The following CDKAL1 variants were observed in gnomAD, a reference collection of about 807,000 sequenced individuals.
CDKAL1 encodes threonylcarbamoyladenosine tRNA methylthiotransferase.
In CDKAL1, 32 loss-of-function variants were observed where a neutral mutation model predicts 68.2. The ratio of observed to expected loss-of-function variants is 0.47; its 90% CI spans 0.35 to 0.63. CDKAL1 has a LOEUF of 0.63. Among genes scored for constraint, CDKAL1 ranks in the 30% least tolerant of loss-of-function variants. CDKAL1 has a pLI of 0.00. For missense variants in CDKAL1, 606 were observed against 696.7 expected, an observed-to-expected ratio of 0.87 and a Z score of 1.47; for synonymous variants, 234 against 244.3, an observed-to-expected ratio of 0.96 and a Z score of 0.39.
At chr6:20,647,206 C>A (rs115510092) in intron 4 of CDKAL1, among the ~76,000 whole-genome samples, 1 of 152,190 alleles carries the variant, frequency 6.6e-6, no homozygotes, top group African/African-American at 2.4e-5. Context: ...AGGAGTATCT[C>A]CCATGTAGCA....
intron 9 of CDKAL1, among the ~76,000 whole-genome samples, chr6:20,900,870 T>C (rs1240248530): frequency 6.6e-6 from 1 of 152,248 alleles, no homozygotes; most frequent in African/African-American, 2.4e-5. Context: ...ATCATTGGTG[T>C]AAATTTGTGT....
At chr6:20,792,219 G>A (rs1295379749) in intron 8 of CDKAL1, among the ~76,000 whole-genome samples, 1 of 151,994 alleles carries the variant, frequency 6.6e-6, no homozygotes, top group Non-Finnish European at 1.5e-5. Flanking sequence ...TTTTTAAAAA[G>A]GCAATAGTGC....
At chr6:20,842,507 G>A (rs765497758) in intron 8 of CDKAL1, among the ~76,000 whole-genome samples, 4 of 152,120 alleles carry the variant, frequency 2.6e-5, no homozygotes, top group Non-Finnish European at 4.4e-5. Context: ...GGATGAACCC[G>A]TCTTATACAA....
chr6:21,060,179 G>C (rs1771069721), intron 11 of CDKAL1, among the ~76,000 whole-genome samples: 1 of 152,140 alleles, frequency 6.6e-6, no homozygotes, highest in South Asian at 2.1e-4. Context: ...GTTTTGTTTT[G>C]TGTTGTTTTG....
intron 4 of CDKAL1, among the ~76,000 whole-genome samples, chr6:20,594,722 A>G (rs1041182842): frequency 2.6e-5 from 4 of 152,126 alleles, no homozygotes; most frequent in African/African-American, 9.7e-5. Flanking sequence ...TCCTGTCATT[A>G]TGATGCTAGC....
In CDKAL1 at chr6:20,866,560, A is replaced by G. The variant is rs145466346; in HGVS notation, c.742+20382A>G. On this transcript the variant is annotated intron_variant, in intron 9 of 15. Coordinates refer to ENST00000274695, the MANE Select transcript of CDKAL1 (RefSeq NM_017774.3). ...ATACTTTTTAAAATTTATCTTTTCT[A>G]ACTCCTCAAATATTCACACAGATAT... is the stretch of plus-strand genomic sequence containing the variant. 1.2e-3 allele frequency among the ~76,000 whole-genome samples: 185 copies of G among 152,336 alleles called. 1 individual carries two copies. The highest frequency in any genetic ancestry group is 2.4e-3 in the Non-Finnish European group (165 of 68,018).
chr6:21,163,678 C>A (rs1332776764), intron 13 of CDKAL1, among the ~76,000 whole-genome samples: 5 of 152,140 alleles, frequency 3.3e-5, no homozygotes, highest in Non-Finnish European at 5.9e-5. Flanking sequence ...TGGCCGGGCG[C>A]GGTGGCTCAT....
intron 4 of CDKAL1, among the ~76,000 whole-genome samples, chr6:20,590,588 A>G (rs1292744088): frequency 6.6e-6 from 1 of 151,564 alleles, no homozygotes; most frequent in African/African-American, 2.4e-5. Flanking sequence ...ACTCCCACTT[A>G]TGAGTGAGAA....
chr6:21,215,885 C>G (rs1004652376), intron 15 of CDKAL1, among the ~76,000 whole-genome samples: 1 of 152,102 alleles, frequency 6.6e-6, no homozygotes, highest in Non-Finnish European at 1.5e-5. Flanking sequence ...ATTAGGGTTG[C>G]ATATGGAATT....
intron 4 of CDKAL1, among the ~76,000 whole-genome samples, chr6:20,585,277 C>A (rs964938507): frequency 3.9e-5 from 6 of 152,120 alleles, no homozygotes; most frequent in African/African-American, 1.2e-4. Context: ...TGGTCTCGAT[C>A]TCCTGACCTC....
At chr6:20,566,618 A>G (rs1046623241) in intron 4 of CDKAL1, among the ~76,000 whole-genome samples, 2 of 152,178 alleles carry the variant, frequency 1.3e-5, no homozygotes, top group Admixed American at 1.3e-4. Flanking sequence ...GGGCTTATTA[A>G]CATCTTTTGA....
intron 10 of CDKAL1, among the ~76,000 whole-genome samples, chr6:20,984,908 G>T (rs1766370594): frequency 6.6e-6 from 1 of 152,036 alleles, no homozygotes; most frequent in Non-Finnish European, 1.5e-5. Context: ...GCAGTTCCAG[G>T]CTTGAGGATG....
intron 9 of CDKAL1, among the ~76,000 whole-genome samples, chr6:20,926,573 G>A (rs1763198687): frequency 6.6e-6 from 1 of 152,056 alleles, no homozygotes; most frequent in South Asian, 2.1e-4. Context: ...ATGCAGGTTG[G>A]TTATTGGAAC....
intron 15 of CDKAL1, among the ~76,000 whole-genome samples, chr6:21,211,559 C>T (rs1365400880): frequency 6.6e-6 from 1 of 152,140 alleles, no homozygotes; most frequent in Non-Finnish European, 1.5e-5. Context: ...TAAGGAAAGA[C>T]GATTGCCGGT....
At chr6:21,008,968 C>T (rs988942870) in intron 11 of CDKAL1, among the ~76,000 whole-genome samples, 4 of 152,106 alleles carry the variant, frequency 2.6e-5, no homozygotes, top group East Asian at 1.9e-4. Context: ...ATTCTGTGGA[C>T]CCCCGCTGGC....
chr6:20,875,332 G>C (rs1760456383), intron 9 of CDKAL1, among the ~76,000 whole-genome samples: 1 of 94,850 alleles, frequency 1.1e-5, no homozygotes, highest in Non-Finnish European at 2.2e-5. Context: ...AAAAAAAAAA[G>C]TCTAGCCCTT....
At chr6:20,610,777 C>A (rs564942294) in intron 4 of CDKAL1, among the ~76,000 whole-genome samples, 1 of 152,310 alleles carries the variant, frequency 6.6e-6, no homozygotes, top group Admixed American at 6.5e-5. Context: ...TTGAGTAATT[C>A]TTTCAGAAAA....
intron 9 of CDKAL1, among the ~76,000 whole-genome samples, chr6:20,930,891 C>T (rs1314717121): frequency 6.6e-6 from 1 of 152,044 alleles, no homozygotes. Context: ...ACTACAGGCA[C>T]CTGCCACCGC....
intron 4 of CDKAL1, among the ~76,000 whole-genome samples, chr6:20,555,312 T>A (rs546675227): frequency 9.2e-5 from 14 of 152,260 alleles, no homozygotes; most frequent in African/African-American, 3.4e-4. Context: ...TTTATTTTTT[T>A]ATTTTTATTT....
Sources: gnomAD v4.1 joint callset for allele counts (sites outside exome capture counted in the v4.1 genomes callset) on GRCh38, gnomAD v4.1.1 for gene constraint, MANE v1.5 for transcripts, NCBI Gene and HGNC (gene_info 2026-07-23, HGNC 2026-07-21) for gene names.